Variants in RPL4 observed in about 807,000 individuals in gnomAD.
The protein encoded by RPL4 is large ribosomal subunit protein uL4.
In RPL4, 3 loss-of-function variants were observed where a neutral mutation model predicts 47.7. The ratio of observed to expected loss-of-function variants is 0.06; its 90% CI spans 0.03 to 0.16. RPL4 has a LOEUF of 0.16. Among genes scored for constraint, RPL4 ranks in the 10% least tolerant of loss-of-function variants. The probability of loss-of-function intolerance (pLI) is 1.00; values close to 1 mark genes in which losing one functional copy is unlikely to be tolerated. For synonymous variants in RPL4, 208 were observed against 182.1 expected (o/e 1.14, Z -1.15); for missense variants, 413 against 551.3 (o/e 0.75, Z 2.51).
chr15:66,500,394 G>A lies in RPL4; in HGVS notation c.834-18C>T. The stretch of plus-strand genomic sequence containing the variant: ...TGGGAAGACTGAAAGGGAAAAGATT[G>A]ACATGTACATGTAAAAGTAATCAAC... On this transcript the variant is annotated intron_variant, in intron 7 of 9. Transcript: ENST00000307961. 3 of 1,604,122 alleles carry A rather than the reference G, an allele frequency of 1.9e-6. No homozygotes were observed. The highest frequency in any genetic ancestry group is 2.6e-6 in the Non-Finnish European group (3 of 1,171,560).
Position 66,502,714 on chromosome 15 carries a change from T to A in RPL4, c.319A>T (p.Thr107Ser). 1 of 1,614,046 alleles carries A rather than the reference T, an allele frequency of 6.2e-7. No individual in the cohort carries two copies. Among genetic ancestry groups the A allele is most frequent in the South Asian group, 1.1e-5 (1 of 91,076 alleles). Residue 107 changes from threonine (T) to serine (S), a missense_variant, in exon 4 of 10, where the codon ACC becomes TCC. Thr to Ser is a moderately conservative substitution (Grantham distance 58, BLOSUM62 1). This residue lies in a region of RPL4 where 214 missense variants were observed against 304.2 expected (regional missense o/e 0.70). Coordinates refer to ENST00000307961, the MANE Select transcript of RPL4 (RefSeq NM_000968.4). The part of the protein sequence containing the change: ...RGGRMFAPTK[T>S]WRRWHRRVNT... ...ACTCTACGATGCCAACGGCGCCAGG[T>A]TTTGGTTGGTGCAAACATTCGGCCT...
Position 66,501,023 on chromosome 15 carries a change from A to C in RPL4, c.759T>G (p.Thr253=), listed in dbSNP as rs1893600591. 6.2e-7 allele frequency: 1 copy of C among 1,614,020 alleles called. No individual in the cohort carries two copies. The highest frequency in any genetic ancestry group is 1.7e-5 in the Admixed American group (1 of 60,030). The change falls in exon 7 of 10, where the codon ACT becomes ACG. Residue 253 remains threonine, a synonymous_variant. Transcript: ENST00000307961. ...GGHVGRFCIW[T]ESAFRKLDEL... ...CATCTAACTTCCGGAAAGCACTTTC[A>C]GTCCAAATGCAGAAACGTCCCACAT...
At position 66,498,853 on chromosome 15, in the gene RPL4, A is replaced by C. The variant is rs1893533626; in HGVS notation, c.*554T>G. ...AGTGCTCTGCCCACCTTAGGGTCCC[A>C]AAGTGTTGGGATTACAGATGTGGGC... is the stretch of plus-strand genomic sequence containing the variant. On this transcript the variant is annotated 3_prime_UTR_variant, in exon 10 of 10. Coordinates refer to ENST00000307961, the MANE Select transcript of RPL4 (RefSeq NM_000968.4). 6.5e-6 allele frequency: 1 copy of C among 154,000 alleles called. No individual in the cohort carries two copies. The highest frequency in any genetic ancestry group is 1.4e-5 in the Non-Finnish European group (1 of 69,394). 9.5% of individuals were successfully genotyped at this position (154,000 alleles called of 1,614,324 possible). A position where few individuals can be genotyped will look rare whatever the true frequency, so the allele number is the denominator to read the frequency against.
Position 66,501,432 on chromosome 15 carries a change from G to C in RPL4, c.619C>G (p.Pro207Ala). 1 of 1,614,058 alleles carries C rather than the reference G, an allele frequency of 6.2e-7. No individual in the cohort carries two copies. Among genetic ancestry groups the C allele is most frequent in the Non-Finnish European group, 8.5e-7 (1 of 1,180,018 alleles). ...RNRRRIQRRG[P>A]CIIYNEDNGI... is the part of the protein sequence containing the mutation. Reference sequence around the variant, plus strand: ...TTATCCTCATTATAGATGATGCACGGGCCCCTGCGCTGGATACGGCGACGG... The same window carrying C: ...TTATCCTCATTATAGATGATGCACGCGCCCCTGCGCTGGATACGGCGACGG... The change falls in exon 6 of 10, where the codon CCG becomes GCG. Residue 207 changes from proline to alanine, a missense_variant. Around this residue, in one of 4 missense-constraint regions of RPL4, gnomAD observed 214 missense variants for 304.2 expected, o/e 0.70. Coordinates refer to ENST00000307961, the MANE Select transcript of RPL4 (RefSeq NM_000968.4).
chr15:66,500,022 C>T, intron 9 of RPL4, 34 bp downstream of exon 9: 1 of 1,610,840 alleles, frequency 6.2e-7, no homozygotes, highest in African/African-American at 1.3e-5. Flanking sequence ...GATTCCGACT[C>T]AAAAACAAAC....
At chr15:66,504,234 A>T (rs922561259) in intron 1 of RPL4, among the ~76,000 whole-genome samples, 11 of 152,212 alleles carry the variant, frequency 7.2e-5, no homozygotes, top group African/African-American at 2.7e-4. Flanking sequence ...ACTACCATAG[A>T]ATATTACTAC....
In RPL4 at chr15:66,500,079, T is replaced by C; in HGVS notation, c.1015A>G (p.Thr339Ala). The C allele has an allele frequency of 6.2e-7, 1 of 1,611,988 alleles. No individual in the cohort carries two copies. The highest frequency in any genetic ancestry group is 8.5e-7 in the Non-Finnish European group (1 of 1,179,816). ...NPYAKTMRRN[T>A]ILRQARNHKL... ...ACATTCCTGGCCTGGCGAAGAATGG[T>C]GTTCCGGCGCATGGTCTTTGCATAT... Residue 339 changes from threonine to alanine, a missense_variant, in exon 9 of 10, where the codon ACC (threonine) becomes GCC (alanine). Thr to Ala is a moderately conservative substitution (Grantham distance 58). This residue lies in a region of RPL4 where 134 missense variants were observed against 122.7 expected (regional missense o/e 1.09). Transcript: ENST00000307961.
chr15:66,502,553 A>T (rs1177645916), intron 4 of RPL4, 59 bp downstream of exon 4: 126 of 1,558,712 alleles, frequency 8.1e-5, no homozygotes, highest in Non-Finnish European at 1.1e-4. Flanking sequence ...CACCCTAATG[A>T]TCAAATAGTA....
Position 66,499,592 on chromosome 15 carries a change from C to G in RPL4, c.1099G>C (p.Glu367Gln), listed in dbSNP as rs1893563547. 1.2e-6 allele frequency: 2 copies of G among 1,613,996 alleles called. No individual in the cohort carries two copies. The highest frequency in any genetic ancestry group is 4.5e-5 in the East Asian group (2 of 44,890). ...AAAALQAKSD[E>Q]KAAVAGKKPV... is the part of the protein sequence containing the mutation. The stretch of plus-strand genomic sequence containing the variant: ...TTCTTGCCTGCAACCGCCGCCTTCT[C>G]ATCTGATTTGGCTTGTAGTGCCGCT... The change falls in exon 10 of 10, where the codon GAG becomes CAG. Residue 367 changes from glutamate to glutamine, a missense_variant. Coordinates refer to ENST00000307961, the MANE Select transcript of RPL4 (RefSeq NM_000968.4).
Position 66,502,682 on chromosome 15 carries a change from T to C in RPL4, c.351A>G (p.Thr117=). The change falls in exon 4 of 10, where the codon ACA becomes ACG. Residue 117 remains threonine, a synonymous_variant. Transcript: ENST00000307961. ...AACAGATGGCGTATCGTTTTTGGGT[T>C]GTGTTCACTCTACGATGCCAACGGC... The part of the protein sequence containing the change: ...TWRRWHRRVN[T]TQKRYAICSA... 4 of 1,613,910 alleles carry C rather than the reference T, an allele frequency of 2.5e-6. No homozygotes were observed. Among genetic ancestry groups the C allele is most frequent in the Non-Finnish European group, 3.4e-6 (4 of 1,179,908 alleles).
In RPL4 at chr15:66,499,714, G is replaced by C. The variant is rs534233696; in HGVS notation, c.1039-62C>G. The C allele has an allele frequency of 7.1e-5, 113 of 1,596,270 alleles. 3 individuals are homozygous for C. The Admixed American group carries it at 1.9e-3, about 27-fold the overall frequency. ...TCCCTGTAAGAACTTAATGTATCAG[G>C]AAGAGAAAAACAAAAACAAAACAAA... On this transcript the variant is annotated intron_variant, in intron 9 of 9. Transcript: ENST00000307961.
At chr15:66,501,190 G>A in intron 6 of RPL4, 85 bp from the exon 7 acceptor site, 8 of 1,569,822 alleles carry the variant, frequency 5.1e-6, no homozygotes, top group Non-Finnish European at 7.0e-6. Context: ...GCTATAAAAG[G>A]TACCTGAGAA....
intron 2 of RPL4, 32 bp downstream of exon 2, chr15:66,503,326 C>T: frequency 1.2e-6 from 2 of 1,611,728 alleles, no homozygotes; most frequent in Non-Finnish European, 1.7e-6. Context: ...AAAGCAGTCC[C>T]TAAAATATCT....
intron 1 of RPL4, among the ~76,000 whole-genome samples, 199 bp from the exon 2 acceptor site, chr15:66,503,728 A>G (rs761625264): frequency 6.6e-6 from 1 of 151,990 alleles, no homozygotes; most frequent in Non-Finnish European, 1.5e-5. Context: ...ATTTTCAAAA[A>G]GAATTGTTTA....
In RPL4 at chr15:66,503,535, GA is replaced by G; in HGVS notation, c.4-7del. Reference sequence around the variant, plus strand: ...ATCAGTGGGCGAGCACACGCCTAAAGAAAAAGACAAGGATTATTTTTATTGA... The same window carrying G: ...ATCAGTGGGCGAGCACACGCCTAAAGAAAAGACAAGGATTATTTTTATTGA... On this transcript the variant is annotated splice_region_variant and splice_polypyrimidine_tract_variant and intron_variant, in intron 1 of 9. Transcript: ENST00000307961. The G allele has an allele frequency of 1.3e-6, 2 of 1,578,350 alleles. No individual in the cohort carries two copies. The highest frequency in any genetic ancestry group is 1.7e-6 in the Non-Finnish European group (2 of 1,158,774).
Position 66,499,246 on chromosome 15 carries a change from A to C in RPL4, c.*161T>G. On this transcript the variant is annotated 3_prime_UTR_variant, in exon 10 of 10. Coordinates refer to ENST00000307961, the MANE Select transcript of RPL4 (RefSeq NM_000968.4). The stretch of plus-strand genomic sequence containing the variant: ...TATACCACACTATATAAAATGTAAC[A>C]GTCTAAATTATGGCCAACAAAATGT... 1.3e-6 allele frequency: 1 copy of C among 797,130 alleles called. No individual in the cohort carries two copies. The highest frequency in any genetic ancestry group is 2.5e-5 in the Admixed American group (1 of 39,486). 49.4% of individuals were successfully genotyped at this position (797,130 alleles called of 1,614,324 possible).
chr15:66,502,908 G>C, intron 3 of RPL4, 150 bp downstream of exon 3: 1 of 1,324,536 alleles, frequency 7.5e-7, no homozygotes, highest in Non-Finnish European at 1.1e-6. Flanking sequence ...CGACATCATT[G>C]CAAGCAAAAT....
intron 2 of RPL4, 87 bp downstream of exon 2, chr15:66,503,271 G>A (rs1371923560): frequency 6.3e-7 from 1 of 1,589,026 alleles, no homozygotes; most frequent in Admixed American, 1.7e-5. Context: ...AAAATCATGT[G>A]GTTCAGAAAC....
At position 66,500,186 on chromosome 15, in the gene RPL4, A is replaced by G. The variant is rs2140712463; in HGVS notation, c.918-10T>C. 1 of 1,613,892 alleles carries G rather than the reference A, an allele frequency of 6.2e-7. No individual in the cohort carries two copies. Among genetic ancestry groups the G allele is most frequent in the Middle Eastern group, 1.7e-4 (1 of 6,016 alleles). On this transcript the variant is annotated splice_polypyrimidine_tract_variant and intron_variant, in intron 8 of 9. Transcript: ENST00000307961. ...GCGATGGATCTTCTTGCTATAAAAA[A>G]GCAGATACTGTATCAACATTTTACT...
Sources: allele counts gnomAD v4.1 joint callset (sites outside exome capture counted in the v4.1 genomes callset), GRCh38; gene constraint gnomAD v4.1.1; regional missense constraint gnomAD v4.1.1; transcripts MANE v1.5; gene names NCBI Gene and HGNC (gene_info 2026-07-23, HGNC 2026-07-21).